The following PEAK1 variants were observed in gnomAD, a reference collection of about 807,000 sequenced individuals.
PEAK1 encodes pseudopodium enriched atypical kinase 1, also known as inactive tyrosine-protein kinase PEAK1.
Under a neutral mutation model 124.7 loss-of-function variants are expected in PEAK1, and 54 were observed. That is an observed-to-expected ratio of 0.43 (90% CI 0.35 to 0.54). The LOEUF (loss-of-function observed/expected upper bound fraction) is 0.54. PEAK1 is among the 20% of genes least tolerant of loss of function. The pLI is 0.01. For synonymous variants in PEAK1, 719 were observed against 760.0 expected (o/e 0.95, Z 0.89); for missense variants, 2,046 against 2,134.5 (o/e 0.96, Z 0.82).
intron 2 of PEAK1, among the ~76,000 whole-genome samples, chr15:77,362,571 A>G (rs543756418): frequency 1.1e-4 from 16 of 152,314 alleles, no homozygotes; most frequent in African/African-American, 3.6e-4. Context: ...GAATGTAAAA[A>G]GGTACCGTCT....
At chr15:77,418,053 T>C in intron 1 of PEAK1, 1 of 983,076 alleles carries the variant, frequency 1.0e-6, no homozygotes, top group Non-Finnish European at 1.2e-6. Flanking sequence ...TGAAGTGGCA[T>C]TATTTCTTCA....
chr15:77,337,200 A>G, intron 2 of PEAK1: 2 of 984,870 alleles, frequency 2.0e-6, no homozygotes, highest in Non-Finnish European at 2.4e-6. Flanking sequence ...GAGTAAAAGA[A>G]GTCCAAATAA....
chr15:77,333,212 T>C, intron 2 of PEAK1: 2 of 907,884 alleles, frequency 2.2e-6, no homozygotes, highest in Non-Finnish European at 2.6e-6. Flanking sequence ...CTTGAACTCC[T>C]AGGCTCAAGC....
Position 77,178,986 on chromosome 15 carries a change from A to C in PEAK1, c.2941T>G (p.Ser981Ala). 6.2e-7 allele frequency: 1 copy of C among 1,613,382 alleles called. No individual in the cohort carries two copies. The highest frequency in any genetic ancestry group is 8.5e-7 in the Non-Finnish European group (1 of 1,179,846). Residue 981 changes from serine to alanine, a missense_variant, in exon 7 of 10, where the codon TCC (serine) becomes GCC (alanine). Ser to Ala is a moderately conservative substitution (Grantham distance 99). Coordinates refer to ENST00000682557, the MANE Select transcript of PEAK1 (RefSeq NM_001385026.1). ...HHWFTEAKGE[S>A]SEKPAIVFMY... ...AAGACAATGGCTGGTTTCTCACTGG[A>C]CTCTCCTTTCGCCTCTGTGAACCAG...
At chr15:77,362,655 T>C (rs1465331500) in intron 2 of PEAK1, among the ~76,000 whole-genome samples, 1 of 152,190 alleles carries the variant, frequency 6.6e-6, no homozygotes, top group African/African-American at 2.4e-5. Flanking sequence ...ATTCTACTGT[T>C]AGGTATATAT....
chr15:77,160,229 T>C (rs2055510969), intron 7 of PEAK1, among the ~76,000 whole-genome samples: 1 of 152,076 alleles, frequency 6.6e-6, no homozygotes, highest in Non-Finnish European at 1.5e-5. Context: ...CAAAACAAAG[T>C]GACACTTCCA....
At chr15:77,298,197 A>ATTTTTTTTTTTTTTTTTTTTTTTTTTTTT (rs749000554) in intron 2 of PEAK1, among the ~76,000 whole-genome samples, 1 of 37,822 alleles carries the variant, frequency 2.6e-5, no homozygotes, top group Admixed American at 4.7e-4. Flanking sequence ...GGTATCCTTA[A>ATTTTTTTTTTTTTTTTTTTTTTTTTTTTT]TTTTTTTTTT....
intron 1 of PEAK1, among the ~76,000 whole-genome samples, chr15:77,414,203 CCTT>C (rs1362059438): frequency 3.1e-4 from 42 of 137,312 alleles, no homozygotes; most frequent in African/African-American, 6.9e-4. Flanking sequence ...TTCCTTCTTT[CCTT>C]CTTTTTTTTT....
At chr15:77,116,804 T>G (rs2051431168) in intron 9 of PEAK1, among the ~76,000 whole-genome samples, 1 of 152,142 alleles carries the variant, frequency 6.6e-6, no homozygotes, top group Non-Finnish European at 1.5e-5. Flanking sequence ...CTAATTCAGT[T>G]TGAGGATATA....
intron 2 of PEAK1, among the ~76,000 whole-genome samples, chr15:77,288,866 T>C (rs774976345): frequency 2.7e-5 from 4 of 150,484 alleles, no homozygotes; most frequent in Non-Finnish European, 5.9e-5. Context: ...GAGGCGGAGC[T>C]TGCAGTGAGC....
chr15:77,118,042 C>T (rs547379187), intron 9 of PEAK1, among the ~76,000 whole-genome samples: 3 of 152,136 alleles, frequency 2.0e-5, no homozygotes, highest in Admixed American at 6.5e-5. Context: ...AATTGTTTCA[C>T]GATTTTGGAT....
Position 77,332,008 on chromosome 15 carries a change from G to A in PEAK1, c.-603+33155C>T, listed in dbSNP as rs543521821. 25 of 182,840 alleles carry A rather than the reference G, an allele frequency of 1.4e-4. No individual in the cohort carries two copies. The South Asian group carries it at 2.2e-3, about 16-fold the overall frequency. 11.3% of individuals were successfully genotyped at this position (182,840 alleles called of 1,614,324 possible). Reference sequence around the variant, plus strand: ...TCCCAGCACTTTGGGATGCTGAGCCGGGCGGATCACTTGAGGTCAGGAGTT... The same window carrying A: ...TCCCAGCACTTTGGGATGCTGAGCCAGGCGGATCACTTGAGGTCAGGAGTT... On this transcript the variant is annotated intron_variant, in intron 2 of 9. Transcript: ENST00000682557.
At position 77,323,366 on chromosome 15, in the gene PEAK1, T is replaced by A. The variant is rs543127488; in HGVS notation, c.-602-36862A>T. 3.5e-4 allele frequency among the ~76,000 whole-genome samples: 54 copies of A among 152,228 alleles called. No homozygotes were observed. The South Asian group carries it at 0.011, about 30-fold the overall frequency. ...TTGTCCCTGTTTGCAGATGACATGA[T>A]TGTATATCTAGAAAACCCCATTGTC... On this transcript the variant is annotated intron_variant, in intron 2 of 9. Transcript: ENST00000682557.
At chr15:77,211,730 C>G (rs71405302) in intron 6 of PEAK1, among the ~76,000 whole-genome samples, 2 of 151,626 alleles carry the variant, frequency 1.3e-5, no homozygotes, top group African/African-American at 4.8e-5. Flanking sequence ...CACCTGTAAT[C>G]TCAGCTACTC....
intron 3 of PEAK1, 92 bp downstream of exon 3, chr15:77,286,331 A>G: frequency 3.0e-6 from 2 of 666,342 alleles, no homozygotes; most frequent in East Asian, 3.5e-5. Context: ...GTTTAAAATT[A>G]TTAGATTTTT....
chr15:77,313,201 G>C (rs1203569828), intron 2 of PEAK1, among the ~76,000 whole-genome samples: 1 of 152,006 alleles, frequency 6.6e-6, no homozygotes, highest in East Asian at 1.9e-4. Flanking sequence ...GGTTGATATG[G>C]GTATGTCAAA....
At chr15:77,329,389 T>C (rs2065769611) in intron 2 of PEAK1, among the ~76,000 whole-genome samples, 1 of 152,202 alleles carries the variant, frequency 6.6e-6, no homozygotes, top group African/African-American at 2.4e-5. Context: ...TTAAGGGTTT[T>C]GTTTTGTTGA....
intron 7 of PEAK1, among the ~76,000 whole-genome samples, chr15:77,164,315 T>C (rs1352805166): frequency 1.3e-5 from 2 of 152,196 alleles, no homozygotes; most frequent in Non-Finnish European, 2.9e-5. Flanking sequence ...GAGATTAACC[T>C]TTATCTGATA....
chr15:77,297,757 C>CAAAAAAA (rs370114659), intron 2 of PEAK1, among the ~76,000 whole-genome samples: 2 of 85,400 alleles, frequency 2.3e-5, no homozygotes, highest in African/African-American at 4.9e-5. Context: ...GATTTTGCCT[C>CAAAAAAA]AAAAAAAAAA....
Sources: allele counts gnomAD v4.1 joint callset (sites outside exome capture counted in the v4.1 genomes callset), GRCh38; gene constraint gnomAD v4.1.1; transcripts MANE v1.5; gene names NCBI Gene and HGNC (gene_info 2026-07-23, HGNC 2026-07-21).